The following FGF13 variants were observed in gnomAD, a reference collection of about 807,000 sequenced individuals.
FGF13 encodes fibroblast growth factor homologous factor 2.
A neutral mutation model predicts 19.5 loss-of-function variants in FGF13; 2 were observed. The observed-to-expected ratio is 0.10, with a 90% CI of 0.04 to 0.32. The LOEUF (loss-of-function observed/expected upper bound fraction) is 0.32, where lower values mean the gene tolerates loss of function less well. FGF13 is among the 10% of genes least tolerant of loss of function. The probability of loss-of-function intolerance (pLI) is 1.00; values close to 1 mark genes in which losing one functional copy is unlikely to be tolerated. For synonymous variants in FGF13, 72 were observed against 76.9 expected (o/e 0.94, Z 0.33); for missense variants, 113 against 192.7 (o/e 0.59, Z 2.45).
At chrX:138,789,742 T>C (rs2090724427) in intron 3 of FGF13, among the ~76,000 whole-genome samples, 1 of 108,867 alleles carries the variant, frequency 9.2e-6, no homozygotes, top group South Asian at 4.1e-4. Flanking sequence ...ATAGATGGAG[T>C]GGCCTTAAAA....
intron 1 of FGF13, among the ~76,000 whole-genome samples, chrX:138,730,529 T>C (rs1381379822): frequency 9.0e-6 from 1 of 111,281 alleles, no homozygotes; most frequent in Non-Finnish European, 1.9e-5. Flanking sequence ...TGTGAAGTAA[T>C]AGAATATGTT....
upstream of FGF13, chrX:138,711,758 C>T: frequency 1.5e-6 from 1 of 677,742 alleles, no homozygotes; most frequent in Non-Finnish European, 1.8e-6. Context: ...CCCTCCCTCC[C>T]GGGGCTGAGC....
At chrX:138,865,462 TCTCTCTCTCTCCTCTCTCTCTCTC>T (rs2091315877) in intron 1 of FGF13, among the ~76,000 whole-genome samples, 1 of 92,152 alleles carries the variant, frequency 1.1e-5, no homozygotes, top group South Asian at 4.9e-4. Flanking sequence ...TCTCTCTCTC[TCTCTCTCTCTCCTCTCTCTCTCTC>T]CTCTCTCTCT....
intron 1 of FGF13, among the ~76,000 whole-genome samples, chrX:139,044,767 T>G (rs976913806): frequency 8.9e-6 from 1 of 112,088 alleles, no homozygotes; most frequent in East Asian, 2.8e-4. Context: ...ATCTAGGGCA[T>G]GCTGGTGTGA....
intron 1 of FGF13, among the ~76,000 whole-genome samples, chrX:139,122,137 T>C (rs1231658537): frequency 9.0e-6 from 1 of 111,438 alleles, no homozygotes; most frequent in Non-Finnish European, 1.9e-5. Context: ...TTTCCATCTC[T>C]AACAAGTGGC....
At chrX:139,141,677 T>C (rs2083846815) in intron 1 of FGF13, among the ~76,000 whole-genome samples, 1 of 112,501 alleles carries the variant, frequency 8.9e-6, no homozygotes, top group Admixed American at 9.4e-5. Context: ...GTCAATTTCC[T>C]GGAAAAGTCC....
chrX:139,179,073 A>T (rs1411788653), intron 1 of FGF13, among the ~76,000 whole-genome samples: 2 of 112,449 alleles, frequency 1.8e-5, no homozygotes, highest in Non-Finnish European at 3.8e-5. Flanking sequence ...AGGTGATTCC[A>T]TAACACAAGT....
rs372439662 is a variant in FGF13, at chrX:138,917,118, T to C, written c.-112-52468A>G. On this transcript the variant is annotated intron_variant, in intron 1 of 2. Transcript: ENST00000421460. ...TAAAGAAAAAGAGAGCAGCATTATA[T>C]TGAATTACTAAGTGGCCTAACACTT... Among the ~76,000 whole-genome samples, 8 of 111,936 alleles carry C rather than the reference T, an allele frequency of 7.1e-5. No homozygotes were observed. In the East Asian group the frequency reaches 2.0e-3, roughly 27 times the overall value.
intron 3 of FGF13, among the ~76,000 whole-genome samples, chrX:138,832,895 C>T (rs1458795218): frequency 9.0e-6 from 1 of 111,709 alleles, no homozygotes; most frequent in Non-Finnish European, 1.9e-5. Context: ...GTCATTTATC[C>T]CGGCACAATT....
chrX:138,862,427 C>G (rs192767326), intron 2 of FGF13, among the ~76,000 whole-genome samples: 3 of 112,180 alleles, frequency 2.7e-5, no homozygotes, highest in Non-Finnish European at 5.6e-5. Flanking sequence ...TTATTAGACA[C>G]ATATTAGTGA....
At chrX:139,171,629 G>GA (rs201409554) in intron 1 of FGF13, among the ~76,000 whole-genome samples, 5 of 108,795 alleles carry the variant, frequency 4.6e-5, no homozygotes, top group Admixed American at 9.8e-5. Context: ...TTTGTAAAAA[G>GA]AAAAAAAAAT....
chrX:138,952,958 G>A (rs1215643820), intron 1 of FGF13, among the ~76,000 whole-genome samples: 1 of 111,091 alleles, frequency 9.0e-6, no homozygotes, highest in Non-Finnish European at 1.9e-5. Context: ...GGAGAAATAG[G>A]AACACTTTTA....
At chrX:138,752,703 G>T (rs947021998) in intron 3 of FGF13, among the ~76,000 whole-genome samples, 11 of 111,726 alleles carry the variant, frequency 9.8e-5, no homozygotes, top group Non-Finnish European at 1.9e-4. Context: ...TCAGACATAG[G>T]ACTGTCTGTC....
At chrX:139,025,128 T>C (rs983716520) in intron 1 of FGF13, among the ~76,000 whole-genome samples, 2 of 111,376 alleles carry the variant, frequency 1.8e-5, no homozygotes, top group Non-Finnish European at 3.8e-5. Flanking sequence ...CAGTGTCTTT[T>C]CACCACTGTC....
intron 1 of FGF13, among the ~76,000 whole-genome samples, chrX:139,047,330 C>T (rs112089745): frequency 0.038 from 4,205 of 111,792 alleles, 236 homozygotes; most frequent in African/African-American, 0.13. Context: ...CTAATTAACA[C>T]ATCCATATCC....
intron 1 of FGF13, among the ~76,000 whole-genome samples, chrX:139,024,932 G>A (rs2092195209): frequency 9.1e-6 from 1 of 110,469 alleles, no homozygotes; most frequent in African/African-American, 3.3e-5. Flanking sequence ...TCCACATTCA[G>A]GATGATCCTG....
At chrX:139,032,962 T>A (rs2092233561) in intron 1 of FGF13, among the ~76,000 whole-genome samples, 1 of 103,620 alleles carries the variant, frequency 9.7e-6, no homozygotes, top group East Asian at 3.1e-4. Flanking sequence ...CAGGCTTATT[T>A]GTCAGCTCTC....
intron 3 of FGF13, among the ~76,000 whole-genome samples, chrX:138,790,928 C>T (rs2090737851): frequency 8.9e-6 from 1 of 112,210 alleles, no homozygotes; most frequent in Non-Finnish European, 1.9e-5. Context: ...GTCAACCTTC[C>T]TTATCTGTGA....
intron 1 of FGF13, among the ~76,000 whole-genome samples, chrX:139,044,670 CTA>C (rs1432953141): frequency 9.0e-6 from 1 of 110,925 alleles, no homozygotes; most frequent in Non-Finnish European, 1.9e-5. Flanking sequence ...AAAAAGGGGG[CTA>C]TGTGTCCTAT....
Sources: gnomAD v4.1 joint callset for allele counts (sites outside exome capture counted in the v4.1 genomes callset) on GRCh38, gnomAD v4.1.1 for gene constraint, MANE v1.5 for transcripts, NCBI Gene and HGNC (gene_info 2026-07-23, HGNC 2026-07-21) for gene names.